Variants in CAPN13 observed in about 807,000 individuals in gnomAD.
CAPN13 encodes calpain 13.
In CAPN13, 90 loss-of-function variants were observed where a neutral mutation model predicts 98.4. That is an observed-to-expected ratio of 0.92 (90% CI 0.77 to 1.09). The LOEUF (loss-of-function observed/expected upper bound fraction) is 1.09. Ranked by LOEUF, CAPN13 falls within the 50% of genes least tolerant of loss-of-function variation. CAPN13 has a pLI of 0.00. For synonymous variants in CAPN13, 330 were observed against 305.5 expected (o/e 1.08, Z -0.84); for missense variants, 887 against 841.3 (o/e 1.05, Z -0.67).
intron 17 of CAPN13, chr2:30,738,002 CACA>C (rs1558612910): frequency 1.3e-4 from 70 of 545,866 alleles, no homozygotes; most frequent in Middle Eastern, 1.0e-3. Context: ...CACACACACA[CACA>C]CCCCAGTACA....
At chr2:30,753,919 G>A (rs931451183) in intron 9 of CAPN13, among the ~76,000 whole-genome samples, 1 of 152,122 alleles carries the variant, frequency 6.6e-6, no homozygotes, top group African/African-American at 2.4e-5. Flanking sequence ...TGTTTTTGAC[G>A]TCATGCTAGA....
At chr2:30,804,448 C>T (rs1004925960) in intron 1 of CAPN13, among the ~76,000 whole-genome samples, 2 of 152,156 alleles carry the variant, frequency 1.3e-5, no homozygotes, top group South Asian at 4.1e-4. Context: ...GGCAATCCGC[C>T]CACCTCGGCC....
At chr2:30,788,038 T>G in intron 1 of CAPN13, among the ~76,000 whole-genome samples, 1 of 151,636 alleles carries the variant, frequency 6.6e-6, no homozygotes. Context: ...GATGGTGGAG[T>G]GTGGACAGAT....
intron 18 of CAPN13, among the ~76,000 whole-genome samples, 181 bp from the exon 19 acceptor site, chr2:30,734,705 C>A (rs1003505958): frequency 6.6e-6 from 1 of 152,218 alleles, no homozygotes; most frequent in Non-Finnish European, 1.5e-5. Flanking sequence ...CGCTGAGGGG[C>A]TGTGGCTGCT....
intron 16 of CAPN13, 51 bp downstream of exon 16, chr2:30,738,349 G>A (rs1443746588): frequency 5.6e-6 from 9 of 1,612,674 alleles, no homozygotes; most frequent in Middle Eastern, 3.3e-4. Flanking sequence ...GTGGGGTGGG[G>A]TTGCCAGCAG....
chr2:30,730,648 G>A, intron 22 of CAPN13, 82 bp downstream of exon 22: 2 of 734,304 alleles, frequency 2.7e-6, no homozygotes, highest in South Asian at 1.5e-5. Flanking sequence ...CTCCCAAGGA[G>A]AGAGTCTTAT....
chr2:30,799,858 G>C (rs958822684), intron 1 of CAPN13, among the ~76,000 whole-genome samples: 17 of 152,246 alleles, frequency 1.1e-4, no homozygotes, highest in African/African-American at 3.9e-4. Context: ...CGGATCACGA[G>C]GTCAGGAGAT....
At chr2:30,738,334 G>A in intron 16 of CAPN13, 41 bp from the exon 17 acceptor site, 1 of 1,613,186 alleles carries the variant, frequency 6.2e-7, no homozygotes, top group Non-Finnish European at 8.5e-7. Flanking sequence ...TGTTGACAGT[G>A]GGGTGTGGGG....
intron 21 of CAPN13, 71 bp from the exon 22 acceptor site, chr2:30,730,857 C>A: frequency 1.3e-6 from 1 of 776,812 alleles, no homozygotes; most frequent in Non-Finnish European, 2.4e-6. Context: ...GGGCAAATGC[C>A]ACCCTCCTCC....
chr2:30,770,555 A>G, intron 4 of CAPN13, 106 bp from the exon 5 acceptor site: 1 of 1,358,976 alleles, frequency 7.4e-7, no homozygotes, highest in Non-Finnish European at 1.0e-6. Flanking sequence ...CAATGCAATA[A>G]TGAACTCTAT....
At chr2:30,792,750 ATCT>A (rs1311377911) in intron 1 of CAPN13, among the ~76,000 whole-genome samples, 8 of 151,854 alleles carry the variant, frequency 5.3e-5, no homozygotes, top group Non-Finnish European at 8.8e-5. Flanking sequence ...TCATAAAGAA[ATCT>A]TCTTCCTGAA....
chr2:30,760,035 CCT>C (rs1412783310), intron 7 of CAPN13, among the ~76,000 whole-genome samples: 3 of 152,204 alleles, frequency 2.0e-5, no homozygotes, highest in Admixed American at 1.3e-4. Flanking sequence ...GTTTTCCACC[CCT>C]GTCTGCCCTA....
At chr2:30,769,806 C>T (rs146315851) in intron 5 of CAPN13, among the ~76,000 whole-genome samples, 1 of 152,308 alleles carries the variant, frequency 6.6e-6, no homozygotes, top group East Asian at 1.9e-4. Context: ...GTAGCAGCCA[C>T]ACCGGGTGCC....
chr2:30,763,269 G>A, intron 6 of CAPN13, 113 bp from the exon 7 acceptor site: 1 of 867,306 alleles, frequency 1.2e-6, no homozygotes, highest in Non-Finnish European at 1.8e-6. Context: ...ACTCACTTGG[G>A]ACTGGTATAT....
At position 30,731,674 on chromosome 2, in the gene CAPN13, C is replaced by T. The variant is rs1414796492; in HGVS notation, c.1928-275G>A. Reference sequence around the variant, plus strand: ...AGCTTCCTTGCACTCCCTGCCCCTGCATCCATCCACACTAGGCTGTGGGGA... The same window carrying T: ...AGCTTCCTTGCACTCCCTGCCCCTGTATCCATCCACACTAGGCTGTGGGGA... On this transcript the variant is annotated intron_variant, in intron 20 of 22. Transcript: ENST00000295055. 2.6e-5 allele frequency among the ~76,000 whole-genome samples: 4 copies of T among 152,344 alleles called. No homozygotes were observed. The East Asian group carries it at 7.7e-4, about 29-fold the overall frequency.
Position 30,751,124 on chromosome 2 carries a change from T to G in CAPN13, c.1215A>C (p.Pro405=), listed in dbSNP as rs780638108. ...TTACCAGAATCACTTGGAAATCGAGTGGAAATTTTGCATCTTCTGCTTTCA... is the reference window on the plus strand; with the variant it reads ...TTACCAGAATCACTTGGAAATCGAGGGGAAATTTTGCATCTTCTGCTTTCA... ...SNLKAEDAKF[P]LDFQVILAGS... Residue 405 remains proline (P), a synonymous_variant, in exon 11 of 23, where the codon CCA becomes CCC. Coordinates refer to ENST00000295055, the MANE Select transcript of CAPN13 (RefSeq NM_144575.3). The G allele has an allele frequency of 1.9e-6, 3 of 1,613,770 alleles. No individual in the cohort carries two copies. The highest frequency in any genetic ancestry group is 2.5e-6 in the Non-Finnish European group (3 of 1,179,786).
chr2:30,761,434 C>G (rs1405107916), intron 7 of CAPN13, among the ~76,000 whole-genome samples: 1 of 152,150 alleles, frequency 6.6e-6, no homozygotes, highest in Non-Finnish European at 1.5e-5. Context: ...CCTTTGTCAC[C>G]CTAGGTGTTC....
At chr2:30,783,509 A>G (rs1229703109) in intron 2 of CAPN13, among the ~76,000 whole-genome samples, 1 of 152,186 alleles carries the variant, frequency 6.6e-6, no homozygotes, top group Non-Finnish European at 1.5e-5. Flanking sequence ...GGAAGGAAGG[A>G]TAAGAGCCAG....
intron 1 of CAPN13, among the ~76,000 whole-genome samples, chr2:30,800,553 C>T (rs1168432678): frequency 2.0e-5 from 3 of 152,166 alleles, no homozygotes; most frequent in Non-Finnish European, 2.9e-5. Context: ...TCGCTCCCTC[C>T]CCTAGCCTCG....
Sources: gnomAD v4.1 joint callset for allele counts (sites outside exome capture counted in the v4.1 genomes callset) on GRCh38, gnomAD v4.1.1 for gene constraint, MANE v1.5 for transcripts, NCBI Gene and HGNC (gene_info 2026-07-23, HGNC 2026-07-21) for gene names.